The following NINL variants were observed in gnomAD, a reference collection of about 807,000 sequenced individuals.
The protein encoded by NINL is ninein like.
In NINL, 153 loss-of-function variants were observed where a neutral mutation model predicts 160.3. The ratio of observed to expected loss-of-function variants is 0.95; its 90% CI spans 0.84 to 1.09. The LOEUF (loss-of-function observed/expected upper bound fraction) is 1.09, where lower values mean the gene tolerates loss of function less well. Ranked by LOEUF, NINL falls within the 50% of genes least tolerant of loss-of-function variation. The pLI, the probability that NINL is intolerant of heterozygous loss-of-function variation, is 0.00. For missense variants in NINL, 1,829 were observed against 1,764.0 expected (o/e 1.04, Z -0.66); for synonymous variants, 800 against 734.8 (o/e 1.09, Z -1.43).
rs1568904274 is a variant in NINL at position 25,491,344 on chromosome 20, C to T, written c.1485+7G>A. 1 of 1,602,406 alleles carries T rather than the reference C, an allele frequency of 6.2e-7. No homozygotes were observed. The highest frequency in any genetic ancestry group is 1.1e-5 in the South Asian group (1 of 90,696). On this transcript the variant is annotated splice_region_variant and intron_variant, in intron 11 of 23. Coordinates refer to ENST00000278886, the MANE Select transcript of NINL (RefSeq NM_025176.6). ...CAGCTTCCTGGATGCCCTGGGGATG[C>T]CCCTACCTTCAGGGCCAGGGTCAGC...
At chr20:25,553,473 TTTTC>T (rs1158731233) in intron 1 of NINL, among the ~76,000 whole-genome samples, 1 of 152,196 alleles carries the variant, frequency 6.6e-6, no homozygotes, top group Non-Finnish European at 1.5e-5. Context: ...TACTTTCTGA[TTTTC>T]TTTAACATTA....
chr20:25,473,544 G>A (rs1294045289), intron 17 of NINL, among the ~76,000 whole-genome samples: 2 of 131,678 alleles, frequency 1.5e-5, no homozygotes, highest in African/African-American at 5.3e-5. Context: ...AAAGTGGCCA[G>A]GCCTGGTGGC....
intron 22 of NINL, among the ~76,000 whole-genome samples, chr20:25,457,174 AT>A (rs2090707643): frequency 6.6e-6 from 1 of 151,786 alleles, no homozygotes; most frequent in African/African-American, 2.4e-5. Context: ...AATACAAAAA[AT>A]TAGCTGGGCA....
At chr20:25,547,562 C>T (rs1017160962) in intron 1 of NINL, among the ~76,000 whole-genome samples, 4 of 152,094 alleles carry the variant, frequency 2.6e-5, no homozygotes, top group Non-Finnish European at 5.9e-5. Context: ...TAGTGTAGAA[C>T]TGGGTTAAAT....
chr20:25,488,581 A>G (rs947348181), intron 13 of NINL, among the ~76,000 whole-genome samples: 3 of 151,742 alleles, frequency 2.0e-5, no homozygotes, highest in African/African-American at 7.3e-5. Flanking sequence ...GTGTCATGTG[A>G]TATCATGATG....
chr20:25,567,824 T>C (rs1308243572), intron 1 of NINL, among the ~76,000 whole-genome samples: 4 of 152,018 alleles, frequency 2.6e-5, no homozygotes, highest in Non-Finnish European at 5.9e-5. Context: ...CAACACATCA[T>C]TTCTCAATAA....
At chr20:25,465,592 C>T (rs2062893669) in intron 19 of NINL, among the ~76,000 whole-genome samples, 1 of 152,172 alleles carries the variant, frequency 6.6e-6, no homozygotes, top group African/African-American at 2.4e-5. Context: ...CCGACGACTC[C>T]AACCCTGGCC....
chr20:25,561,646 G>A (rs1232772144), intron 1 of NINL, among the ~76,000 whole-genome samples: 13 of 150,666 alleles, frequency 8.6e-5, no homozygotes, highest in Non-Finnish European at 1.3e-4. Context: ...CTGCCCAGCC[G>A]CCCATCGTCT....
intron 3 of NINL, among the ~76,000 whole-genome samples, 154 bp from the exon 4 acceptor site, chr20:25,513,160 G>A (rs2064105496): frequency 3.3e-5 from 5 of 152,304 alleles, no homozygotes; most frequent in Non-Finnish European, 7.4e-5. Context: ...GGAAAGACAC[G>A]AGAAACAGTG....
At chr20:25,550,850 TCTTATCTCAA>T (rs370705020) in intron 1 of NINL, among the ~76,000 whole-genome samples, 1 of 152,300 alleles carries the variant, frequency 6.6e-6, no homozygotes, top group African/African-American at 2.4e-5. Context: ...GATGCCTTCC[TCTTATCTCAA>T]CTGCAGAGAG....
chr20:25,475,411 G>GCATT (rs1456603671), intron 17 of NINL, among the ~76,000 whole-genome samples: 1 of 152,098 alleles, frequency 6.6e-6, no homozygotes, highest in Non-Finnish European at 1.5e-5. Flanking sequence ...ATTCTATGAG[G>GCATT]CATTACTTGA....
At chr20:25,484,771 G>A (rs1452775674) in intron 13 of NINL, among the ~76,000 whole-genome samples, 4 of 152,182 alleles carry the variant, frequency 2.6e-5, no homozygotes, top group Admixed American at 2.0e-4. Context: ...GACTGAATCA[G>A]GCAAGAATCA....
intron 7 of NINL, among the ~76,000 whole-genome samples, chr20:25,502,995 G>A (rs2063896957): frequency 6.6e-6 from 1 of 152,254 alleles, no homozygotes; most frequent in Non-Finnish European, 1.5e-5. Context: ...TCCACAATGG[G>A]GAGGACGGGA....
At chr20:25,508,395 G>A (rs2146850978) in intron 5 of NINL, among the ~76,000 whole-genome samples, 1 of 152,368 alleles carries the variant, frequency 6.6e-6, no homozygotes, top group East Asian at 1.9e-4. Context: ...CTGCTCACAG[G>A]ACTAAGGAAT....
At chr20:25,498,805 C>G in intron 8 of NINL, 17 of 709,546 alleles carry the variant, frequency 2.4e-5, no homozygotes, top group Non-Finnish European at 2.9e-5. Flanking sequence ...GGGGTCCCCA[C>G]AGCAGCCCTC....
At chr20:25,481,696 C>T in intron 14 of NINL, 1 of 473,426 alleles carries the variant, frequency 2.1e-6, no homozygotes, top group East Asian at 3.5e-5. Context: ...GTCACTGAAA[C>T]AGCTCTGAGA....
chr20:25,551,626 A>G (rs2147097474), intron 1 of NINL, among the ~76,000 whole-genome samples: 1 of 151,876 alleles, frequency 6.6e-6, no homozygotes, highest in South Asian at 2.1e-4. Flanking sequence ...GGGGGCAGGC[A>G]GGAGGGAAAC....
intron 21 of NINL, among the ~76,000 whole-genome samples, chr20:25,460,514 G>A (rs968259628): frequency 6.6e-6 from 1 of 152,172 alleles, no homozygotes; most frequent in African/African-American, 2.4e-5. Flanking sequence ...CTTTTCAGGT[G>A]GCCTTACTCC....
chr20:25,529,106 A>G (rs955063812), intron 1 of NINL, among the ~76,000 whole-genome samples: 6 of 152,148 alleles, frequency 3.9e-5, no homozygotes, highest in African/African-American at 1.4e-4. Flanking sequence ...CAATATAATC[A>G]GTGATATAAA....
Sources: gnomAD v4.1 joint callset for allele counts (sites outside exome capture counted in the v4.1 genomes callset) on GRCh38, gnomAD v4.1.1 for gene constraint, MANE v1.5 for transcripts, NCBI Gene and HGNC (gene_info 2026-07-23, HGNC 2026-07-21) for gene names.